The following MEGF11 variants were observed in gnomAD, a reference collection of about 807,000 sequenced individuals.
MEGF11 encodes multiple EGF like domains 11.
A neutral mutation model predicts 146.6 loss-of-function variants in MEGF11; 126 were observed. The ratio of observed to expected loss-of-function variants is 0.86; its 90% CI spans 0.74 to 1.00. The LOEUF is 1.00. Among genes scored for constraint, MEGF11 ranks in the 50% least tolerant of loss-of-function variants. The pLI, the probability that MEGF11 is intolerant of heterozygous loss-of-function variation, is 0.00. For missense variants in MEGF11, 1,509 were observed against 1,521.2 expected, an observed-to-expected ratio of 0.99 and a Z score of 0.13; for synonymous variants, 532 against 583.4, an observed-to-expected ratio of 0.91 and a Z score of 1.27.
At chr15:66,080,434 T>C (rs1221902375) in intron 5 of MEGF11, among the ~76,000 whole-genome samples, 1 of 152,018 alleles carries the variant, frequency 6.6e-6, no homozygotes, top group East Asian at 1.9e-4. Context: ...CAGGTCCCCC[T>C]CCCATAAAAG....
chr15:66,231,179 G>A (rs1306379569), intron 1 of MEGF11, among the ~76,000 whole-genome samples: 1 of 151,918 alleles, frequency 6.6e-6, no homozygotes, highest in Non-Finnish European at 1.5e-5. Flanking sequence ...GGGAAATGCA[G>A]GCTGCAACAG....
intron 10 of MEGF11, among the ~76,000 whole-genome samples, chr15:65,933,066 G>A (rs2079635460): frequency 6.6e-6 from 1 of 152,076 alleles, no homozygotes; most frequent in Admixed American, 6.6e-5. Context: ...CGAGGGTGTG[G>A]GTCTTTGCCA....
intron 4 of MEGF11, among the ~76,000 whole-genome samples, chr15:66,099,904 TGG>T (rs1489892874): frequency 2.0e-5 from 3 of 150,858 alleles, no homozygotes; most frequent in Admixed American, 2.0e-4. Context: ...GGACTGGGAG[TGG>T]GGAAGGAGAC....
At chr15:66,252,378 G>C (rs923628798) in intron 1 of MEGF11, among the ~76,000 whole-genome samples, 1 of 152,344 alleles carries the variant, frequency 6.6e-6, no homozygotes. Context: ...CCTCCAACCC[G>C]CCGCAGGCCC....
chr15:66,166,570 T>C (rs1020218973), intron 1 of MEGF11, among the ~76,000 whole-genome samples: 2 of 152,220 alleles, frequency 1.3e-5, no homozygotes, highest in Middle Eastern at 3.4e-3. Context: ...CCAAAGGCCC[T>C]TCATGATCTG....
At chr15:66,241,123 G>A (rs553634047) in intron 1 of MEGF11, among the ~76,000 whole-genome samples, 1 of 152,256 alleles carries the variant, frequency 6.6e-6, no homozygotes, top group African/African-American at 2.4e-5. Flanking sequence ...GATCTGGGCC[G>A]AATCAACTAC....
chr15:66,128,399 A>G lies in MEGF11; in HGVS notation c.5T>C (p.Val2Ala), dbSNP rs1482086880. 2 of 1,506,068 alleles carry G rather than the reference A, an allele frequency of 1.3e-6. No homozygotes were observed. The highest frequency in any genetic ancestry group is 1.8e-6 in the Non-Finnish European group (2 of 1,125,606). 93.3% of individuals were successfully genotyped at this position (1,506,068 alleles called of 1,614,324 possible). A position where few individuals can be genotyped will look rare whatever the true frequency, so the allele number is the denominator to read the frequency against. The change falls in exon 2 of 26, where the codon GTG becomes GCG. Residue 2 changes from valine to alanine, a missense_variant. Val to Ala is a moderately conservative substitution (Grantham distance 64). Coordinates refer to ENST00000395614, the MANE Select transcript of MEGF11 (RefSeq NM_001385028.1). The stretch of plus-strand genomic sequence containing the variant: ...GGCAATGAGCCCCGTCAGGGAGAGC[A>G]CCATCCCGGGCCCTGCACAGGAGAA... The part of the protein sequence containing the change: M[V>A]LSLTGLIAFS...
At chr15:65,911,357 C>T (rs1271228126) in intron 21 of MEGF11, among the ~76,000 whole-genome samples, 1 of 152,202 alleles carries the variant, frequency 6.6e-6, no homozygotes, top group Non-Finnish European at 1.5e-5. Flanking sequence ...TATAATATGC[C>T]ACTTGCACAC....
intron 5 of MEGF11, among the ~76,000 whole-genome samples, chr15:66,081,529 C>T (rs1054848384): frequency 1.3e-5 from 2 of 152,176 alleles, no homozygotes; most frequent in African/African-American, 4.8e-5. Context: ...CAGGCGCCCT[C>T]CACCATGCCC....
At chr15:66,083,533 C>T (rs2085982258) in intron 5 of MEGF11, among the ~76,000 whole-genome samples, 1 of 151,594 alleles carries the variant, frequency 6.6e-6, no homozygotes, top group South Asian at 2.1e-4. Flanking sequence ...CAGAAGAAAC[C>T]ACAGGGGTAA....
At chr15:66,066,651 G>A (rs546992919) in intron 5 of MEGF11, among the ~76,000 whole-genome samples, 73 of 152,286 alleles carry the variant, frequency 4.8e-4, no homozygotes, top group Admixed American at 2.6e-3. Context: ...CCACGGCTGC[G>A]AGTCCCTGCC....
chr15:66,050,072 A>G (rs948424102), intron 5 of MEGF11, among the ~76,000 whole-genome samples: 5 of 152,208 alleles, frequency 3.3e-5, no homozygotes, highest in Admixed American at 6.5e-5. Context: ...TTTTAAAAAT[A>G]TAATTGAGAC....
At chr15:66,006,271 A>G (rs1235257475) in intron 5 of MEGF11, among the ~76,000 whole-genome samples, 1 of 152,172 alleles carries the variant, frequency 6.6e-6, no homozygotes, top group Non-Finnish European at 1.5e-5. Context: ...TAGAATGAAG[A>G]ATGGGACTCA....
At chr15:66,009,615 CAG>C (rs2082643530) in intron 5 of MEGF11, among the ~76,000 whole-genome samples, 2 of 143,092 alleles carry the variant, frequency 1.4e-5, no homozygotes, top group East Asian at 2.1e-4. Context: ...TTTTTTGAGA[CAG>C]AGTCTCGCTC....
chr15:66,022,847 CAAA>C (rs10579872), intron 5 of MEGF11, among the ~76,000 whole-genome samples: 1,482 of 128,210 alleles, frequency 0.012, 4 homozygotes, highest in Non-Finnish European at 0.014. Context: ...GACCCTGTCT[CAAA>C]AAAAAAAAAA....
At chr15:66,146,632 C>A (rs955559144) in intron 1 of MEGF11, among the ~76,000 whole-genome samples, 2 of 152,244 alleles carry the variant, frequency 1.3e-5, no homozygotes, top group Admixed American at 6.5e-5. Context: ...CCGCTGAGCA[C>A]AGGCTTGGAT....
chr15:65,983,040 T>C (rs1240452211), intron 5 of MEGF11, among the ~76,000 whole-genome samples: 1 of 152,132 alleles, frequency 6.6e-6, no homozygotes, highest in Non-Finnish European at 1.5e-5. Context: ...TGCATTTCAC[T>C]CACTCTCTGG....
intron 4 of MEGF11, among the ~76,000 whole-genome samples, chr15:66,095,620 G>A (rs2086513407): frequency 6.6e-6 from 1 of 152,140 alleles, no homozygotes; most frequent in African/African-American, 2.4e-5. Flanking sequence ...GTGGTCCTCT[G>A]GCCCCTCCTA....
At chr15:66,170,761 C>G (rs922684496) in intron 1 of MEGF11, among the ~76,000 whole-genome samples, 2 of 152,138 alleles carry the variant, frequency 1.3e-5, no homozygotes, top group African/African-American at 4.8e-5. Context: ...CTGAAGACCC[C>G]CACTCCCCAT....
Sources: gnomAD v4.1 joint callset for allele counts (sites outside exome capture counted in the v4.1 genomes callset) on GRCh38, gnomAD v4.1.1 for gene constraint, MANE v1.5 for transcripts, NCBI Gene and HGNC (gene_info 2026-07-23, HGNC 2026-07-21) for gene names.